Variants in PRDM6 observed in about 807,000 individuals in gnomAD.
PRDM6 encodes putative histone-lysine N-methyltransferase PRDM6.
PRDM6 carries 25 observed loss-of-function variants against 60.8 expected under a neutral mutation model. The ratio of observed to expected loss-of-function variants is 0.41; its 90% confidence interval spans 0.30 to 0.57. The LOEUF (loss-of-function observed/expected upper bound fraction) is 0.57. Among genes scored for constraint, PRDM6 ranks in the 20% least tolerant of loss-of-function variants. PRDM6 has a pLI of 0.27. For synonymous variants in PRDM6, 407 were observed against 357.4 expected (o/e 1.14, Z -1.57); for missense variants, 839 against 821.3 (o/e 1.02, Z -0.26).
chr5:123,130,414 G>GA (rs1764805691), intron 3 of PRDM6, among the ~76,000 whole-genome samples: 1 of 144,680 alleles, frequency 6.9e-6, no homozygotes, highest in Non-Finnish European at 1.5e-5. Flanking sequence ...AGTTAGCCCT[G>GA]AAAGGTTATC....
chr5:123,176,020 GTTCT>G (rs1288645040), intron 6 of PRDM6, among the ~76,000 whole-genome samples: 2 of 152,122 alleles, frequency 1.3e-5, no homozygotes, highest in Non-Finnish European at 2.9e-5. Flanking sequence ...CTGTTCTTCA[GTTCT>G]TTCTTTCTTA....
chr5:123,112,955 C>A (rs1177718311), intron 3 of PRDM6, among the ~76,000 whole-genome samples: 4 of 152,086 alleles, frequency 2.6e-5, no homozygotes, highest in Non-Finnish European at 5.9e-5. Flanking sequence ...AGACATTTAG[C>A]TGATTGTTAA....
chr5:123,096,109 A>C (rs1349585196), intron 2 of PRDM6, among the ~76,000 whole-genome samples: 3 of 272 alleles, frequency 0.011, no homozygotes, highest in Non-Finnish European at 0.037. Flanking sequence ...AGACAGGAGC[A>C]TTGACAGATT....
intron 3 of PRDM6, among the ~76,000 whole-genome samples, chr5:123,131,688 T>A (rs909214705): frequency 2.0e-5 from 3 of 152,196 alleles, no homozygotes; most frequent in Non-Finnish European, 4.4e-5. Flanking sequence ...TTAATATCTA[T>A]CTTTCTCAGC....
intron 3 of PRDM6, among the ~76,000 whole-genome samples, chr5:123,138,231 A>G (rs2126858103): frequency 6.6e-6 from 1 of 152,386 alleles, no homozygotes; most frequent in South Asian, 2.1e-4. Flanking sequence ...TTATGATACC[A>G]AAACATAGGA....
chr5:123,131,451 T>C lies in PRDM6; in HGVS notation c.901-24433T>C, dbSNP rs149880374. Among the ~76,000 whole-genome samples the C allele has an allele frequency of 8.4e-3, 1,272 of 152,314 alleles. 22 individuals are homozygous for C. Among genetic ancestry groups the C allele is most frequent in the Admixed American group, 0.043 (658 of 15,286 alleles). Reference sequence around the variant, plus strand: ...AAATTTCACATATATTCTATAAATATGTACCAGTATTATATAAAAAAAGAA... The same window carrying C: ...AAATTTCACATATATTCTATAAATACGTACCAGTATTATATAAAAAAAGAA... On this transcript the variant is annotated intron_variant, in intron 3 of 7. Transcript: ENST00000407847.
chr5:123,165,516 G>A (rs1052212382), intron 5 of PRDM6, among the ~76,000 whole-genome samples: 8 of 152,112 alleles, frequency 5.3e-5, no homozygotes, highest in African/African-American at 1.7e-4. Flanking sequence ...TTAGTTCATG[G>A]TGGCCAGAGT....
chr5:123,105,654 A>G (rs1764185309), intron 3 of PRDM6, among the ~76,000 whole-genome samples: 1 of 152,192 alleles, frequency 6.6e-6, no homozygotes, highest in Non-Finnish European at 1.5e-5. Flanking sequence ...AAAGAACCCT[A>G]TATGTAGAAC....
rs1347640448 is a variant in PRDM6 at position 123,173,832 on chromosome 5, T to G, written c.1496+2724T>G. Among the ~76,000 whole-genome samples the G allele has an allele frequency of 3.3e-5, 5 of 152,348 alleles. No homozygotes were observed. In the East Asian group the frequency reaches 9.6e-4, roughly 29 times the overall value. ...GTATAAAGGGCTGGAATGGCTCATT[T>G]CTGTTCCGGAACCCAGTATGCTCTG... On this transcript the variant is annotated intron_variant, in intron 6 of 7. Coordinates refer to ENST00000407847, the MANE Select transcript of PRDM6 (RefSeq NM_001136239.4).
chr5:123,111,052 G>GTAA (rs996030597), intron 3 of PRDM6, among the ~76,000 whole-genome samples: 2 of 151,962 alleles, frequency 1.3e-5, no homozygotes, highest in East Asian at 3.8e-4. Flanking sequence ...CAAATTAACA[G>GTAA]TAATAATAAT....
intron 3 of PRDM6, among the ~76,000 whole-genome samples, chr5:123,153,755 A>T (rs1765429244): frequency 6.6e-6 from 1 of 152,146 alleles, no homozygotes; most frequent in African/African-American, 2.4e-5. Flanking sequence ...ACTAATTTTC[A>T]AGGTGGACTG....
intron 2 of PRDM6, among the ~76,000 whole-genome samples, chr5:123,098,074 A>G (rs1377310225): frequency 6.6e-6 from 1 of 152,240 alleles, no homozygotes; most frequent in Non-Finnish European, 1.5e-5. Context: ...CTGGGTTGCG[A>G]TTAGCTGTTC....
chr5:123,099,920 G>A lies in PRDM6; in HGVS notation c.859G>A (p.Val287Met). Residue 287 changes from valine (V) to methionine (M), a missense_variant, in exon 3 of 8, where the codon GTG becomes ATG. By Grantham distance (21) the Val-to-Met change is conservative (BLOSUM62 1). Around this residue, in one of 2 missense-constraint regions of PRDM6, gnomAD observed 730 missense variants for 648.8 expected, o/e 1.13. Coordinates refer to ENST00000407847, the MANE Select transcript of PRDM6 (RefSeq NM_001136239.4). This position sits in a 1 kb window ranked among gnomAD's most constrained non-coding sequence, Gnocchi z 4.0. ...AGGCGTGCTTCTGCCCCCAGAGAAG[G>A]TGCAGGCAGGCGCCGTGAGGAACAC... Reference protein sequence around the residue: ...FQGVLLPPEKVQAGAVRNTQH... With the variant: ...FQGVLLPPEKMQAGAVRNTQH... The A allele has an allele frequency of 6.5e-7, 1 of 1,542,056 alleles. No homozygotes were observed. The highest frequency in any genetic ancestry group is 8.8e-7 in the Non-Finnish European group (1 of 1,141,202).
intron 3 of PRDM6, among the ~76,000 whole-genome samples, chr5:123,112,016 C>T (rs1282891061): frequency 6.6e-6 from 1 of 152,208 alleles, no homozygotes; most frequent in Non-Finnish European, 1.5e-5. Context: ...TACTAACAGA[C>T]AGCAAAATGA....
rs564271388 is a variant in PRDM6, at chr5:123,090,311, G to C, written c.297G>C (p.Ala99=). 1 of 1,373,508 alleles carries C rather than the reference G, an allele frequency of 7.3e-7. No homozygotes were observed. Among genetic ancestry groups the C allele is most frequent in the Non-Finnish European group, 9.6e-7 (1 of 1,041,966 alleles). The allele number at this position is 1,373,508 out of a possible 1,614,324, so 85.1% of individuals were successfully genotyped here. A position where few individuals can be genotyped will look rare whatever the true frequency, so the allele number is the denominator to read the frequency against. The change falls in exon 2 of 8, where the codon GCG becomes GCC. Residue 99 remains alanine, a synonymous_variant. Coordinates refer to ENST00000407847, the MANE Select transcript of PRDM6 (RefSeq NM_001136239.4). The part of the protein sequence containing the change: ...SASSASSCAA[A]AAAAALAGLS... ...CCTCCGCCTCCTCCTGCGCTGCTGCGGCCGCTGCCGCCGCGCTGGCTGGTC... is the reference window on the plus strand; with the variant it reads ...CCTCCGCCTCCTCCTGCGCTGCTGCCGCCGCTGCCGCCGCGCTGGCTGGTC...
chr5:123,192,540 A>G lies in PRDM6; in HGVS notation c.*5339A>G, dbSNP rs577241628. ...TGCCCAAATCTCATTGCTGGACAGA[A>G]TTTCAACTATTCCATTGCTGTCAGG... On this transcript the variant is annotated 3_prime_UTR_variant, in exon 8 of 8. Transcript: ENST00000407847. The G allele has an allele frequency of 1.3e-5, 2 of 152,334 alleles. No homozygotes were observed. Among genetic ancestry groups the G allele is most frequent in the East Asian group, 3.9e-4 (2 of 5,194 alleles). 9.4% of individuals were successfully genotyped at this position (152,334 alleles called of 1,614,324 possible).
intron 4 of PRDM6, 103 bp from the exon 5 acceptor site, chr5:123,159,411 T>C: frequency 7.8e-7 from 1 of 1,289,002 alleles, no homozygotes; most frequent in Non-Finnish European, 1.1e-6. Context: ...ACAGAAACTG[T>C]TTAGATGGAG....
Position 123,090,473 on chromosome 5 carries a change from T to TGGC in PRDM6, c.471_473dup (p.Gly158dup), listed in dbSNP as rs756967815. On this transcript the variant is annotated inframe_insertion, in exon 2 of 8. Transcript: ENST00000407847. ...CCGGGCCCGTCAAGTGCGGTGGTGG[T>TGGC]GGCGGCGGCGGCGGGGAGGGTCGCG... 2.0e-5 allele frequency: 29 copies of TGGC among 1,483,248 alleles called. No homozygotes were observed. Among genetic ancestry groups the TGGC allele is most frequent in the Middle Eastern group, 2.4e-4 (1 of 4,212 alleles). 91.9% of individuals were successfully genotyped at this position (1,483,248 alleles called of 1,614,324 possible).
chr5:123,124,655 C>T (rs1476939248), intron 3 of PRDM6, among the ~76,000 whole-genome samples: 1 of 152,062 alleles, frequency 6.6e-6, no homozygotes, highest in Non-Finnish European at 1.5e-5. Flanking sequence ...TGGCTCTTCC[C>T]AAGAGGAAAG....
Sources: gnomAD v4.1 joint callset for allele counts (sites outside exome capture counted in the v4.1 genomes callset) on GRCh38, gnomAD v4.1.1 for gene constraint, gnomAD v4.1.1 regional missense constraint, Gnocchi (gnomAD v3.1) non-coding constraint, MANE v1.5 for transcripts, NCBI Gene and HGNC (gene_info 2026-07-23, HGNC 2026-07-21) for gene names.